METTL5: variants seen among roughly 807,000 people sequenced by gnomAD.
METTL5 encodes the protein rRNA N(6)-adenosine-methyltransferase METTL5.
A neutral mutation model predicts 26.5 loss-of-function variants in METTL5; 28 were observed. The observed-to-expected ratio is 1.06, with a 90% CI of 0.78 to 1.45. The LOEUF (loss-of-function observed/expected upper bound fraction) is 1.45, where lower values mean the gene tolerates loss of function less well. METTL5 is among the 40% of genes most tolerant of loss of function. METTL5 has a pLI of 0.00. For missense variants in METTL5, 231 were observed against 249.9 expected (o/e 0.92, Z 0.51); for synonymous variants, 86 against 82.6 (o/e 1.04, Z -0.22).
intron 2 of METTL5, 89 bp from the exon 3 acceptor site, chr2:169,821,362 T>C: frequency 1.1e-6 from 1 of 939,146 alleles, no homozygotes; most frequent in Non-Finnish European, 1.6e-6. Flanking sequence ...TTTTAAACCA[T>C]ATATCTTTTT....
chr2:169,812,266 G>GTC (rs1558974549), intron 6 of METTL5, 191 bp downstream of exon 6: 1 of 849,474 alleles, frequency 1.2e-6, no homozygotes, highest in African/African-American at 1.7e-5. Context: ...TCGAGACTGA[G>GTC]TCTCACTCTT....
Position 169,824,767 on chromosome 2 carries a change from G to C in METTL5, c.-170C>G. The C allele has an allele frequency of 1.7e-6, 1 of 575,796 alleles. No individual in the cohort carries two copies. Among genetic ancestry groups the C allele is most frequent in the South Asian group, 2.0e-5 (1 of 49,536 alleles). 35.7% of individuals were successfully genotyped at this position (575,796 alleles called of 1,614,324 possible). ...GACGCCCGGACGCAGGGCACGGGGC[G>C]AGCCTCTGACCCACCTCCCGGCTAA... On this transcript the variant is annotated 5_prime_UTR_variant, in exon 1 of 7. Coordinates refer to ENST00000260953, the MANE Select transcript of METTL5 (RefSeq NM_014168.4).
rs775063112 is a variant in METTL5 at position 169,815,516 on chromosome 2, T to G, written c.502A>C (p.Lys168Gln). 8.1e-6 allele frequency: 13 copies of G among 1,601,462 alleles called. No individual in the cohort carries two copies. The highest frequency in any genetic ancestry group is 5.0e-5 in the Admixed American group (3 of 59,428). The change falls in exon 5 of 7, where the codon AAA becomes CAA. Residue 168 changes from lysine to glutamine, a missense_variant. Coordinates refer to ENST00000260953, the MANE Select transcript of METTL5 (RefSeq NM_014168.4). ...KSSTREHVQK[K>Q]AAEWKIKIDI... ...ATCTTGATTTTCCATTCTGCAGCTT[T>G]CTTTTGAACATGCTGAACATAAATA...
chr2:169,821,402 TTTC>T (rs982735726), intron 2 of METTL5, 129 bp from the exon 3 acceptor site: 4 of 677,688 alleles, frequency 5.9e-6, no homozygotes, highest in African/African-American at 3.8e-5. Flanking sequence ...GAGTGAGTGT[TTTC>T]TTCTTTTTTT....
chr2:169,820,247 C>A (rs1231219884), intron 3 of METTL5, among the ~76,000 whole-genome samples: 2 of 152,158 alleles, frequency 1.3e-5, no homozygotes, highest in Non-Finnish European at 1.5e-5. Context: ...TGAGCCACCA[C>A]GCCCGGCCAA....
intron 6 of METTL5, 41 bp from the exon 7 acceptor site, chr2:169,811,899 T>C: frequency 6.3e-7 from 1 of 1,597,354 alleles, no homozygotes; most frequent in Non-Finnish European, 8.6e-7. Flanking sequence ...TAACTTGTCT[T>C]TTTGTTATGC....
At chr2:169,812,273 T>A in intron 6 of METTL5, 184 bp downstream of exon 6, 1 of 914,738 alleles carries the variant, frequency 1.1e-6, no homozygotes, top group Non-Finnish European at 1.7e-6. Context: ...TGAGTCTCAC[T>A]CTTATCGCGC....
chr2:169,814,387 T>G (rs983137078), intron 5 of METTL5, among the ~76,000 whole-genome samples: 2 of 141,878 alleles, frequency 1.4e-5, no homozygotes, highest in African/African-American at 5.3e-5. Context: ...TTTGGGAGAC[T>G]GAGGCAAGAG....
chr2:169,814,876 A>G (rs1416533943), intron 5 of METTL5, among the ~76,000 whole-genome samples: 1 of 136,786 alleles, frequency 7.3e-6, no homozygotes, highest in Non-Finnish European at 1.6e-5. Context: ...CGCCCGGCCC[A>G]CTTTTTTTTT....
intron 4 of METTL5, 83 bp from the exon 5 acceptor site, chr2:169,815,611 A>G (rs2081495830): frequency 1.0e-6 from 1 of 990,438 alleles, no homozygotes; most frequent in Admixed American, 2.9e-5. Context: ...CTTGAGATTG[A>G]GTTTTTAAGC....
intron 5 of METTL5, 171 bp from the exon 6 acceptor site, chr2:169,812,677 A>T: frequency 1.5e-6 from 1 of 646,504 alleles, no homozygotes; most frequent in Non-Finnish European, 2.5e-6. Flanking sequence ...AGCATTAGCC[A>T]TGGCAGCTTG....
At chr2:169,819,700 T>C in intron 3 of METTL5, 57 bp from the exon 4 acceptor site, 2 of 1,201,936 alleles carry the variant, frequency 1.7e-6, no homozygotes, top group Non-Finnish European at 2.4e-6. Context: ...GAAGATTAAG[T>C]TAGTAGGATT....
Position 169,824,715 on chromosome 2 carries a change from G to T in METTL5, c.-118C>A, listed in dbSNP as rs2081630219. The T allele has an allele frequency of 2.4e-6, 2 of 837,238 alleles. No individual in the cohort carries two copies. Among genetic ancestry groups the T allele is most frequent in the Non-Finnish European group, 3.9e-6 (2 of 510,894 alleles). The allele number at this position is 837,238 out of a possible 1,614,324, so 51.9% of individuals were successfully genotyped here. ...CCTTCTCCCTTTTTCAGCACCGCTG[G>T]CCGGACCCGAAGACGCGCCCTAAGG... On this transcript the variant is annotated 5_prime_UTR_variant, in exon 1 of 7. Transcript: ENST00000260953.
chr2:169,824,360 A>T, intron 1 of METTL5, 129 bp downstream of exon 1: 1 of 725,038 alleles, frequency 1.4e-6, no homozygotes, highest in Non-Finnish European at 2.4e-6. Context: ...AGGCCTCTCT[A>T]ACGCGACAGG....
intron 5 of METTL5, among the ~76,000 whole-genome samples, chr2:169,814,154 GAA>G (rs1690070051): frequency 1.3e-5 from 2 of 151,932 alleles, no homozygotes; most frequent in South Asian, 4.2e-4. Context: ...ATATTTAGAA[GAA>G]AAAGATAAAT....
intron 2 of METTL5, 106 bp from the exon 3 acceptor site, chr2:169,821,379 A>C: frequency 2.5e-6 from 2 of 799,570 alleles, no homozygotes; most frequent in Non-Finnish European, 3.9e-6. Flanking sequence ...TTTTAACCCA[A>C]TTAGCAAAGT....
chr2:169,822,602 T>TC (rs2081600149), intron 1 of METTL5, among the ~76,000 whole-genome samples: 1 of 152,170 alleles, frequency 6.6e-6, no homozygotes, highest in East Asian at 1.9e-4. Flanking sequence ...TCTTTTTTTT[T>TC]CTTTTTTTTT....
chr2:169,812,610 G>T, intron 5 of METTL5, 104 bp from the exon 6 acceptor site: 1 of 1,277,916 alleles, frequency 7.8e-7, no homozygotes, highest in Admixed American at 2.2e-5. Context: ...GTTAAGTGCT[G>T]GTAAGCTGAA....
intron 5 of METTL5, chr2:169,813,256 T>C (rs898526678): frequency 6.6e-6 from 1 of 151,786 alleles, no homozygotes; most frequent in Non-Finnish European, 1.5e-5. Context: ...GCCTCCCAAG[T>C]AGCTGGGATT....
Sources: allele counts gnomAD v4.1 joint callset (sites outside exome capture counted in the v4.1 genomes callset), GRCh38; gene constraint gnomAD v4.1.1; transcripts MANE v1.5; gene names NCBI Gene and HGNC (gene_info 2026-07-23, HGNC 2026-07-21).